The following ATXN7L1 variants were observed in gnomAD, a reference collection of about 807,000 sequenced individuals.
The protein encoded by ATXN7L1 is ataxin 7 like 1.
A neutral mutation model predicts 70.8 loss-of-function variants in ATXN7L1; 15 were observed. The observed-to-expected ratio is 0.21, with a 90% confidence interval of 0.14 to 0.33. The LOEUF is 0.33. Ranked by LOEUF, ATXN7L1 falls within the 10% of genes least tolerant of loss-of-function variation. The probability of loss-of-function intolerance (pLI) is 1.00; values close to 1 mark genes in which losing one functional copy is unlikely to be tolerated. For missense variants in ATXN7L1, 975 were observed against 1,097.1 expected, an observed-to-expected ratio of 0.89 and a Z score of 1.57; for synonymous variants, 440 against 445.1, an observed-to-expected ratio of 0.99 and a Z score of 0.14.
intron 2 of ATXN7L1, among the ~76,000 whole-genome samples, chr7:105,808,348 A>G (rs958444250): frequency 2.0e-5 from 3 of 152,230 alleles, no homozygotes; most frequent in African/African-American, 7.2e-5. Flanking sequence ...CTGGGGAGAC[A>G]GCAAAACCCA....
intron 3 of ATXN7L1, chr7:105,677,847 G>T: frequency 1.3e-6 from 1 of 751,366 alleles, no homozygotes; most frequent in Non-Finnish European, 1.6e-6. Context: ...ATCTGTACCA[G>T]TGTCTACTTT....
At chr7:105,612,145 A>G (rs1287875684) in intron 10 of ATXN7L1, among the ~76,000 whole-genome samples, 2 of 152,226 alleles carry the variant, frequency 1.3e-5, no homozygotes, top group African/African-American at 4.8e-5. Flanking sequence ...TGTTAATGGC[A>G]TGGAGGCTAA....
At chr7:105,709,500 C>T (rs151191504) in intron 3 of ATXN7L1, among the ~76,000 whole-genome samples, 328 of 152,210 alleles carry the variant, frequency 2.2e-3, no homozygotes, top group African/African-American at 7.2e-3. Context: ...GAAGCCCACA[C>T]CCCAACCACC....
rs183210606 is a variant in ATXN7L1, at chr7:105,701,168, G to A, written c.356-35880C>T. Among the ~76,000 whole-genome samples, 219 of 152,234 alleles carry A rather than the reference G, an allele frequency of 1.4e-3. 1 individual carries two copies. The highest frequency in any genetic ancestry group is 3.5e-3 in the Admixed American group (54 of 15,292). On this transcript the variant is annotated intron_variant, in intron 3 of 11. Transcript: ENST00000419735. ...AAAAGGGGTAGATACTGTACCCCTA[G>A]ACAACCTAAATCACAAGCAATCAGG... is the stretch of plus-strand genomic sequence containing the variant.
intron 3 of ATXN7L1, among the ~76,000 whole-genome samples, chr7:105,745,126 T>C (rs1798436304): frequency 6.6e-6 from 1 of 152,210 alleles, no homozygotes. Flanking sequence ...TGTACTCTGG[T>C]TATGTAAGAG....
Position 105,614,200 on chromosome 7 carries a change from C to T in ATXN7L1, c.2134G>A (p.Ala712Thr). The change falls in exon 10 of 12, where the codon GCC becomes ACC. Residue 712 changes from alanine (A) to threonine (T), a missense_variant. By Grantham distance (58) the Ala-to-Thr change is moderately conservative. Coordinates refer to ENST00000419735, the MANE Select transcript of ATXN7L1 (RefSeq NM_020725.2). The surrounding 1 kb of genome is among the most constrained non-coding windows in gnomAD (Gnocchi z 4.3). ...GTCCGTCCTGAGGGCTCCAGTTTGG[C>T]ACTGAGTGGGCTCACCCCATTGTTT... ...NSNNGVSPLS[A>T]KLEPSGRTSL... 6.4e-7 allele frequency: 1 copy of T among 1,551,680 alleles called. No individual in the cohort carries two copies. The highest frequency in any genetic ancestry group is 8.7e-7 in the Non-Finnish European group (1 of 1,146,988).
intron 3 of ATXN7L1, among the ~76,000 whole-genome samples, chr7:105,751,413 C>T (rs1329175244): frequency 3.9e-5 from 6 of 152,142 alleles, no homozygotes; most frequent in African/African-American, 9.7e-5. Context: ...GGGTGAATCA[C>T]TTGTGTTCTG....
intron 2 of ATXN7L1, among the ~76,000 whole-genome samples, chr7:105,845,221 A>G (rs1286011602): frequency 1.3e-5 from 2 of 151,262 alleles, no homozygotes; most frequent in African/African-American, 2.4e-5. Flanking sequence ...AAAAAAAAAA[A>G]AAAAAAAAAA....
At chr7:105,801,648 TG>T (rs1806839226) in intron 2 of ATXN7L1, among the ~76,000 whole-genome samples, 1 of 152,198 alleles carries the variant, frequency 6.6e-6, no homozygotes, top group African/African-American at 2.4e-5. Context: ...TGGTTCAGTT[TG>T]CCCCTCTGAA....
At chr7:105,798,342 T>G (rs964688300) in intron 2 of ATXN7L1, among the ~76,000 whole-genome samples, 1 of 152,328 alleles carries the variant, frequency 6.6e-6, no homozygotes, top group Non-Finnish European at 1.5e-5. Flanking sequence ...CATTTTCTAC[T>G]TCCTGACTTT....
intron 2 of ATXN7L1, among the ~76,000 whole-genome samples, chr7:105,804,217 C>T (rs1171888467): frequency 6.6e-6 from 1 of 152,196 alleles, no homozygotes; most frequent in Non-Finnish European, 1.5e-5. Context: ...AGGTGATAGC[C>T]ATGCTGAGAC....
intron 3 of ATXN7L1, among the ~76,000 whole-genome samples, chr7:105,694,916 G>T (rs1284466106): frequency 6.6e-5 from 10 of 152,220 alleles, no homozygotes; most frequent in Admixed American, 5.9e-4. Flanking sequence ...ACTTTGGAAG[G>T]CTGAGGCGGT....
chr7:105,819,244 T>C (rs1051839274), intron 2 of ATXN7L1, among the ~76,000 whole-genome samples: 1 of 152,096 alleles, frequency 6.6e-6, no homozygotes, highest in Admixed American at 6.6e-5. Flanking sequence ...ACAGAGGGGA[T>C]AAGTCACTGG....
chr7:105,620,654 G>A (rs140284229), intron 8 of ATXN7L1, among the ~76,000 whole-genome samples: 17 of 152,254 alleles, frequency 1.1e-4, no homozygotes, highest in African/African-American at 4.1e-4. Context: ...CAGCACTTTG[G>A]GAGGCTGAGG....
chr7:105,758,994 A>C (rs1293857261), intron 3 of ATXN7L1, among the ~76,000 whole-genome samples: 2 of 152,106 alleles, frequency 1.3e-5, no homozygotes, highest in Non-Finnish European at 2.9e-5. Flanking sequence ...GTAAGGCTTC[A>C]AATCCTTTCT....
intron 2 of ATXN7L1, among the ~76,000 whole-genome samples, chr7:105,814,208 T>C (rs1808851896): frequency 6.6e-6 from 1 of 152,172 alleles, no homozygotes; most frequent in Non-Finnish European, 1.5e-5. Flanking sequence ...CGGCCTCCAA[T>C]TGTGATCGCA....
chr7:105,733,668 A>T (rs71540972), intron 3 of ATXN7L1, among the ~76,000 whole-genome samples: 56 of 143,932 alleles, frequency 3.9e-4, no homozygotes, highest in Admixed American at 5.5e-4. Flanking sequence ...CCATCCATCC[A>T]TCCATCCATC....
At chr7:105,652,264 A>G (rs1420152321) in intron 4 of ATXN7L1, among the ~76,000 whole-genome samples, 4 of 152,228 alleles carry the variant, frequency 2.6e-5, no homozygotes, top group African/African-American at 9.6e-5. Flanking sequence ...CCTAGACCTA[A>G]TCAACTGCAC....
chr7:105,687,567 C>T (rs1221553199), intron 3 of ATXN7L1, among the ~76,000 whole-genome samples: 1 of 152,200 alleles, frequency 6.6e-6, no homozygotes, highest in Non-Finnish European at 1.5e-5. Context: ...AACTTGCTGG[C>T]ACCTTAATCT....
Sources: allele counts gnomAD v4.1 joint callset (sites outside exome capture counted in the v4.1 genomes callset), GRCh38; gene constraint gnomAD v4.1.1; non-coding constraint Gnocchi (gnomAD v3.1); transcripts MANE v1.5; gene names NCBI Gene and HGNC (gene_info 2026-07-23, HGNC 2026-07-21).